DSE: variants seen among roughly 807,000 people sequenced by gnomAD.
DSE encodes the protein dermatan sulfate epimerase.
Under a neutral mutation model 84.4 loss-of-function variants are expected in DSE, and 36 were observed. The ratio of observed to expected loss-of-function variants is 0.43; its 90% confidence interval spans 0.33 to 0.56. The LOEUF is 0.56. Ranked by LOEUF, DSE falls within the 20% of genes least tolerant of loss-of-function variation. DSE has a pLI of 0.06. For missense variants in DSE, 862 were observed against 1,169.6 expected (o/e 0.74, Z 3.84); for synonymous variants, 410 against 430.1 (o/e 0.95, Z 0.58).
chr6:116,389,949 G>GT (rs200721310), intron 1 of DSE, among the ~76,000 whole-genome samples: 1 of 147,818 alleles, frequency 6.8e-6, no homozygotes, highest in Non-Finnish European at 1.5e-5. Flanking sequence ...CAGTACTACA[G>GT]TTTTTTAAAA....
At chr6:116,389,520 A>T (rs973504430) in intron 1 of DSE, among the ~76,000 whole-genome samples, 15 of 152,198 alleles carry the variant, frequency 9.9e-5, no homozygotes, top group African/African-American at 3.4e-4. Flanking sequence ...ATACAGTGAC[A>T]AACAACTGTG....
At position 116,417,092 on chromosome 6, in the gene DSE, T is replaced by C. The variant is rs188622294; in HGVS notation, c.417-9482T>C. Among the ~76,000 whole-genome samples the C allele has an allele frequency of 4.7e-3, 721 of 152,336 alleles. 5 individuals are homozygous for C. Among genetic ancestry groups the C allele is most frequent in the Non-Finnish European group, 5.1e-3 (348 of 68,022 alleles). ...TAAGTGTATTTTTAACCGTAGTCTT[T>C]AAGCTATGCCATTCTACCAAAATAG... On this transcript the variant is annotated intron_variant, in intron 2 of 5. Coordinates refer to ENST00000644252, the MANE Select transcript of DSE (RefSeq NM_013352.4).
At chr6:116,401,563 G>A (rs1047831351) in intron 2 of DSE, among the ~76,000 whole-genome samples, 1 of 152,072 alleles carries the variant, frequency 6.6e-6, no homozygotes, top group African/African-American at 2.4e-5. Flanking sequence ...TGAACATTTT[G>A]TTTTGGCAGG....
At chr6:116,363,277 TTGTG>T (rs965207823) in intron 2 of DSE, among the ~76,000 whole-genome samples, 13 of 148,238 alleles carry the variant, frequency 8.8e-5, no homozygotes, top group Non-Finnish European at 1.5e-4. Flanking sequence ...ATGTGTGTGC[TTGTG>T]TGTGTGTGTC....
chr6:116,276,017 TCTTA>T (rs1773126071), intron 2 of DSE, among the ~76,000 whole-genome samples: 1 of 152,250 alleles, frequency 6.6e-6, no homozygotes, highest in South Asian at 2.1e-4. Context: ...GACTTTATCT[TCTTA>T]CTCTTTTTCT....
At chr6:116,354,942 C>G (rs1053840074) in intron 2 of DSE, among the ~76,000 whole-genome samples, 2 of 152,120 alleles carry the variant, frequency 1.3e-5, no homozygotes, top group Admixed American at 6.6e-5. Flanking sequence ...TGGAAATACG[C>G]CAAATTTGAC....
At position 116,279,050 on chromosome 6, in the gene DSE, G is replaced by C. The variant is rs745606315; in HGVS notation, c.-54+20083G>C. ...TTCCTCCGCTCCAGGTAGTGTCGACGCATCCGCCCAAACTTGTGCTCCAGC... is the reference window on the plus strand; with the variant it reads ...TTCCTCCGCTCCAGGTAGTGTCGACCCATCCGCCCAAACTTGTGCTCCAGC... On this transcript the variant is annotated intron_variant, in intron 2 of 3. Transcript: ENST00000430252. The C allele has an allele frequency of 1.9e-6, 3 of 1,613,136 alleles. No individual in the cohort carries two copies. In the South Asian group the frequency reaches 3.3e-5, roughly 18 times the overall value.
At chr6:116,332,130 G>A (rs190759553) in intron 2 of DSE, among the ~76,000 whole-genome samples, 2 of 152,036 alleles carry the variant, frequency 1.3e-5, no homozygotes, top group Admixed American at 6.6e-5. Context: ...TTTCTATGAT[G>A]AGCAACAACA....
In DSE at chr6:116,426,836, G is replaced by A; in HGVS notation, c.670+9G>A. ...AGTCCTGATGAATCAAGGTGGGTGT[G>A]GACACAGCCAAGGTGATGCCTGAGC... On this transcript the variant is annotated intron_variant, in intron 3 of 5. Coordinates refer to ENST00000644252, the MANE Select transcript of DSE (RefSeq NM_013352.4). 1 of 1,604,746 alleles carries A rather than the reference G, an allele frequency of 6.2e-7. No homozygotes were observed. The highest frequency in any genetic ancestry group is 1.3e-5 in the African/African-American group (1 of 74,884).
At chr6:116,303,949 T>C (rs1012579711) in intron 2 of DSE, among the ~76,000 whole-genome samples, 2 of 151,704 alleles carry the variant, frequency 1.3e-5, no homozygotes, top group African/African-American at 2.4e-5. Context: ...TCCTGGCTAA[T>C]ATGGTGAAAC....
chr6:116,339,069 G>C (rs975855139), intron 2 of DSE, among the ~76,000 whole-genome samples: 1 of 150,830 alleles, frequency 6.6e-6, no homozygotes, highest in African/African-American at 2.5e-5. Context: ...ACAGATAAAT[G>C]AGTTGGTCTT....
At chr6:116,429,607 TTAAC>T (rs1783675775) in intron 3 of DSE, among the ~76,000 whole-genome samples, 3 of 152,238 alleles carry the variant, frequency 2.0e-5, no homozygotes, top group Admixed American at 2.0e-4. Flanking sequence ...GTTAAAAGGA[TTAAC>T]TAAGATTCTG....
At chr6:116,406,984 G>A (rs1562289044) in intron 2 of DSE, among the ~76,000 whole-genome samples, 1 of 152,192 alleles carries the variant, frequency 6.6e-6, no homozygotes, top group African/African-American at 2.4e-5. Flanking sequence ...GAAGACCACA[G>A]TTAAAACAGT....
At chr6:116,369,692 A>T, upstream of DSE, 1 of 316,442 alleles carries the variant, frequency 3.2e-6, no homozygotes, top group Non-Finnish European at 6.3e-6. Context: ...GGTTCACCTG[A>T]GTGAACATTT....
At chr6:116,400,876 A>G (rs1246126801) in intron 2 of DSE, 5 of 152,196 alleles carry the variant, frequency 3.3e-5, no homozygotes, top group African/African-American at 1.2e-4. Context: ...TACATTATCA[A>G]ATGCTACAGT....
intron 2 of DSE, among the ~76,000 whole-genome samples, chr6:116,351,855 T>G (rs1034743073): frequency 9.9e-5 from 15 of 152,236 alleles, no homozygotes; most frequent in African/African-American, 3.6e-4. Context: ...TGGTGAACTA[T>G]GAATAGTGAC....
At chr6:116,289,594 A>T (rs959131017) in intron 2 of DSE, among the ~76,000 whole-genome samples, 11 of 152,038 alleles carry the variant, frequency 7.2e-5, no homozygotes, top group Admixed American at 7.2e-4. Context: ...TCCTAGGGTC[A>T]AAGAACCTTT....
upstream of DSE, chr6:116,369,905 A>T (rs1374619750): frequency 3.1e-6 from 4 of 1,289,160 alleles, no homozygotes; most frequent in Non-Finnish European, 4.0e-6. Context: ...TCCCAGTAAA[A>T]TATCTCTCAT....
chr6:116,312,680 A>G (rs1240817742), intron 2 of DSE, among the ~76,000 whole-genome samples: 1 of 152,194 alleles, frequency 6.6e-6, no homozygotes, highest in Non-Finnish European at 1.5e-5. Context: ...CTCAAAAAAT[A>G]TTGTTTTAAA....
Sources: allele counts gnomAD v4.1 joint callset (sites outside exome capture counted in the v4.1 genomes callset), GRCh38; gene constraint gnomAD v4.1.1; transcripts MANE v1.5; gene names NCBI Gene and HGNC (gene_info 2026-07-23, HGNC 2026-07-21).